The following ADGRL3 variants were observed in gnomAD, a reference collection of about 807,000 sequenced individuals.
ADGRL3 encodes the protein calcium-independent alpha-latrotoxin receptor 3.
A neutral mutation model predicts 153.5 loss-of-function variants in ADGRL3; 62 were observed. The ratio of observed to expected loss-of-function variants is 0.40; its 90% confidence interval spans 0.33 to 0.50. The LOEUF (loss-of-function observed/expected upper bound fraction) is 0.50, where lower values mean the gene tolerates loss of function less well. ADGRL3 is among the 20% of genes least tolerant of loss of function. The pLI is 0.47. For synonymous variants in ADGRL3, 710 were observed against 672.5 expected, an observed-to-expected ratio of 1.06 and a Z score of -0.86; for missense variants, 1,641 against 1,859.4, an observed-to-expected ratio of 0.88 and a Z score of 2.16.
intron 3 of ADGRL3, among the ~76,000 whole-genome samples, chr4:61,506,734 G>T (rs2098432710): frequency 6.6e-6 from 1 of 152,028 alleles, no homozygotes; most frequent in African/African-American, 2.4e-5. Flanking sequence ...TAAATTCAGT[G>T]ACCTAAATTA....
chr4:61,426,571 G>T (rs573761381), intron 2 of ADGRL3, among the ~76,000 whole-genome samples: 128 of 151,928 alleles, frequency 8.4e-4, no homozygotes, highest in African/African-American at 3.1e-3. Flanking sequence ...CCATAGACGA[G>T]GCTACACTCT....
At chr4:61,279,828 G>A (rs2093642422) in intron 1 of ADGRL3, among the ~76,000 whole-genome samples, 1 of 151,996 alleles carries the variant, frequency 6.6e-6, no homozygotes, top group Non-Finnish European at 1.5e-5. Flanking sequence ...TTCTTATATG[G>A]TCTATTGATA....
chr4:62,066,079 A>G (rs1169169610), intron 25 of ADGRL3, among the ~76,000 whole-genome samples: 1 of 152,076 alleles, frequency 6.6e-6, no homozygotes, highest in African/African-American at 2.4e-5. Context: ...ACACTATTTA[A>G]TGTTTTGATA....
intron 17 of ADGRL3, among the ~76,000 whole-genome samples, chr4:61,958,661 A>G (rs2098976866): frequency 1.3e-5 from 2 of 151,994 alleles, no homozygotes. Flanking sequence ...CCACTTTTAA[A>G]CTATCAAATC....
chr4:61,272,046 T>G (rs2093213706), intron 1 of ADGRL3, among the ~76,000 whole-genome samples: 1 of 152,030 alleles, frequency 6.6e-6, no homozygotes, highest in Non-Finnish European at 1.5e-5. Flanking sequence ...GGTCTTTGGG[T>G]AGTGGAATCA....
At chr4:61,220,376 T>C (rs1001101058) in intron 1 of ADGRL3, among the ~76,000 whole-genome samples, 7 of 152,158 alleles carry the variant, frequency 4.6e-5, no homozygotes, top group African/African-American at 1.7e-4. Flanking sequence ...ATCAGAAGAC[T>C]CTGAGCCTAA....
intron 2 of ADGRL3, among the ~76,000 whole-genome samples, chr4:61,486,234 A>G (rs1056187393): frequency 6.6e-6 from 1 of 152,066 alleles, no homozygotes; most frequent in Non-Finnish European, 1.5e-5. Context: ...GTGAGCCACC[A>G]TACCCGGCTA....
chr4:61,242,907 T>C (rs191988908), intron 1 of ADGRL3, among the ~76,000 whole-genome samples: 4 of 152,262 alleles, frequency 2.6e-5, no homozygotes, highest in Non-Finnish European at 4.4e-5. Flanking sequence ...AGTTGTTTTA[T>C]GCAAGGCGCT....
intron 4 of ADGRL3, among the ~76,000 whole-genome samples, chr4:61,543,271 T>A (rs1273163497): frequency 6.6e-6 from 1 of 151,942 alleles, no homozygotes; most frequent in Non-Finnish European, 1.5e-5. Context: ...AGGGAGATTA[T>A]CCTGGATTAT....
chr4:61,704,315 A>G (rs2095819663), intron 6 of ADGRL3, among the ~76,000 whole-genome samples: 1 of 152,216 alleles, frequency 6.6e-6, no homozygotes, highest in Non-Finnish European at 1.5e-5. Flanking sequence ...AATAAAACAA[A>G]TCTTGCAATA....
At chr4:61,504,793 G>A (rs926022871) in intron 3 of ADGRL3, among the ~76,000 whole-genome samples, 23 of 151,828 alleles carry the variant, frequency 1.5e-4, no homozygotes, top group East Asian at 3.9e-4. Flanking sequence ...GAATTTCATC[G>A]CTTTTTTATA....
intron 8 of ADGRL3, among the ~76,000 whole-genome samples, chr4:61,739,711 A>G (rs2096561209): frequency 6.6e-6 from 1 of 152,160 alleles, no homozygotes; most frequent in African/African-American, 2.4e-5. Flanking sequence ...AGTTTTAGTA[A>G]GTCACTCCCC....
chr4:61,765,584 C>G (rs185236650), intron 8 of ADGRL3, among the ~76,000 whole-genome samples: 1 of 151,940 alleles, frequency 6.6e-6, no homozygotes, highest in Non-Finnish European at 1.5e-5. Flanking sequence ...GATAAAGGCT[C>G]GTCTGTTATC....
At chr4:61,285,519 C>A (rs983531532) in intron 1 of ADGRL3, among the ~76,000 whole-genome samples, 9 of 151,712 alleles carry the variant, frequency 5.9e-5, no homozygotes, top group African/African-American at 2.2e-4. Context: ...TGTTGCCCCA[C>A]AGAAATGGGT....
chr4:61,724,468 G>T (rs62304055), intron 6 of ADGRL3, among the ~76,000 whole-genome samples: 4 of 152,044 alleles, frequency 2.6e-5, no homozygotes, highest in African/African-American at 7.2e-5. Flanking sequence ...ATTAGAATAT[G>T]GCTAGCAAAA....
intron 2 of ADGRL3, among the ~76,000 whole-genome samples, chr4:61,446,582 G>A (rs2097584802): frequency 6.6e-6 from 1 of 152,144 alleles, no homozygotes; most frequent in African/African-American, 2.4e-5. Flanking sequence ...TTAATGGTCT[G>A]TCTGGCGCCA....
At chr4:61,386,765 ATAAG>A (rs1477612286) in intron 2 of ADGRL3, among the ~76,000 whole-genome samples, 3 of 152,214 alleles carry the variant, frequency 2.0e-5, no homozygotes, top group Non-Finnish European at 4.4e-5. Flanking sequence ...ATCAGAAAAA[ATAAG>A]TATTAGAATG....
intron 1 of ADGRL3, among the ~76,000 whole-genome samples, chr4:61,299,540 G>T (rs2094516242): frequency 6.6e-6 from 1 of 152,170 alleles, no homozygotes; most frequent in South Asian, 2.1e-4. Context: ...TATGCACAAT[G>T]TTGCCACCTT....
At chr4:61,315,193 G>A (rs2150612768) in intron 1 of ADGRL3, among the ~76,000 whole-genome samples, 1 of 152,260 alleles carries the variant, frequency 6.6e-6, no homozygotes, top group South Asian at 2.1e-4. Flanking sequence ...TGGTTGATAT[G>A]GTTGAGTCTA....
Sources: allele counts gnomAD v4.1 joint callset (sites outside exome capture counted in the v4.1 genomes callset), GRCh38; gene constraint gnomAD v4.1.1; transcripts MANE v1.5; gene names NCBI Gene and HGNC (gene_info 2026-07-23, HGNC 2026-07-21).